Variants in STK32B observed in about 807,000 individuals in gnomAD.
STK32B encodes serine/threonine kinase 32B, also known as serine/threonine-protein kinase 32B.
STK32B carries 43 observed loss-of-function variants against 52.6 expected under a neutral mutation model. The observed-to-expected ratio is 0.82, with a 90% CI of 0.64 to 1.05. The LOEUF (loss-of-function observed/expected upper bound fraction) is 1.05. Among genes scored for constraint, STK32B ranks in the 50% least tolerant of loss-of-function variants. The probability of loss-of-function intolerance (pLI) is 0.00; values close to 1 mark genes in which losing one functional copy is unlikely to be tolerated. For missense variants in STK32B, 621 were observed against 534.6 expected (o/e 1.16, Z -1.59); for synonymous variants, 238 against 204.3 (o/e 1.17, Z -1.41).
intron 3 of STK32B, among the ~76,000 whole-genome samples, chr4:5,319,991 T>C (rs1006360061): frequency 2.0e-5 from 3 of 151,976 alleles, no homozygotes; most frequent in African/African-American, 7.3e-5. Context: ...TGCAAGGGAG[T>C]CTGTGAAATG....
chr4:5,461,686 C>T (rs1302249601), intron 9 of STK32B, among the ~76,000 whole-genome samples: 1 of 152,182 alleles, frequency 6.6e-6, no homozygotes. Flanking sequence ...CTGAGCCCAC[C>T]TTTCTCCCCA....
intron 7 of STK32B, among the ~76,000 whole-genome samples, chr4:5,456,420 G>A (rs1313984670): frequency 6.6e-6 from 1 of 152,254 alleles, no homozygotes; most frequent in Admixed American, 6.5e-5. Flanking sequence ...CCCAGCAAGT[G>A]GGGGCTATGA....
Position 5,124,995 on chromosome 4 carries a change from G to A in STK32B, c.53-14910G>A, listed in dbSNP as rs116778502. Among the ~76,000 whole-genome samples the A allele has an allele frequency of 7.9e-3, 1,196 of 152,318 alleles. 16 individuals are homozygous for A. Among genetic ancestry groups the A allele is most frequent in the Non-Finnish European group, 0.012 (809 of 68,036 alleles). ...AGAATTCTTCAACTATTAGCAGAAA[G>A]GAAAGTAAGGTAGATTTGAAGCGGA... On this transcript the variant is annotated intron_variant, in intron 1 of 11. Transcript: ENST00000282908.
At chr4:5,368,237 C>A (rs569373099) in intron 4 of STK32B, among the ~76,000 whole-genome samples, 4 of 152,102 alleles carry the variant, frequency 2.6e-5, no homozygotes, top group Admixed American at 6.5e-5. Flanking sequence ...CCTCTAAGGG[C>A]TTTGCTTTCA....
intron 11 of STK32B, among the ~76,000 whole-genome samples, chr4:5,491,427 C>T (rs1340309596): frequency 2.0e-5 from 3 of 152,188 alleles, no homozygotes; most frequent in Middle Eastern, 3.4e-3. Context: ...ATGGGGTTGT[C>T]TGATTTTTTC....
At chr4:5,027,537 G>A in the STK32B span, among the ~76,000 whole-genome samples, 1 of 152,150 alleles carries the variant, frequency 6.6e-6, no homozygotes, top group Admixed American at 6.5e-5. Context: ...GTGCAAATGT[G>A]GCCATTACTC....
At chr4:5,119,249 C>T (rs1203574893) in intron 1 of STK32B, among the ~76,000 whole-genome samples, 1 of 152,194 alleles carries the variant, frequency 6.6e-6, no homozygotes, top group African/African-American at 2.4e-5. Flanking sequence ...CAGCGTTTAG[C>T]CAGCACTTTC....
At chr4:5,107,616 A>G (rs1490297806) in intron 1 of STK32B, among the ~76,000 whole-genome samples, 1 of 152,250 alleles carries the variant, frequency 6.6e-6, no homozygotes, top group Non-Finnish European at 1.5e-5. Flanking sequence ...CAAAATGGTA[A>G]CATTTAATAT....
rs554352226 is a variant in STK32B, at chr4:5,389,583, C to T, written c.435-8624C>T. Among the ~76,000 whole-genome samples the T allele has an allele frequency of 3.9e-5, 6 of 152,316 alleles. 1 individual carries two copies. Among genetic ancestry groups the T allele is most frequent in the Middle Eastern group, 6.8e-3 (2 of 294 alleles). On this transcript the variant is annotated intron_variant, in intron 4 of 11. Coordinates refer to ENST00000282908, the MANE Select transcript of STK32B (RefSeq NM_018401.3). Reference sequence around the variant, plus strand: ...AGTCTACTCTAATGTCCCTACTTTACGTTAATCACCTCTTGAAAGGCCCTG... The same window carrying T: ...AGTCTACTCTAATGTCCCTACTTTATGTTAATCACCTCTTGAAAGGCCCTG...
intron 3 of STK32B, among the ~76,000 whole-genome samples, chr4:5,240,232 C>G (rs1036930302): frequency 6.6e-6 from 1 of 152,012 alleles, no homozygotes; most frequent in Non-Finnish European, 1.5e-5. Context: ...CTGTCATCCC[C>G]GAGACTCCTA....
At chr4:5,080,187 G>T (rs1560140827) in intron 1 of STK32B, among the ~76,000 whole-genome samples, 2 of 152,096 alleles carry the variant, frequency 1.3e-5, no homozygotes, top group African/African-American at 4.8e-5. Flanking sequence ...CAGTGAAGAA[G>T]CCCAAGGATC....
intron 3 of STK32B, among the ~76,000 whole-genome samples, chr4:5,317,536 C>T (rs1275321064): frequency 0.014 from 1,341 of 93,476 alleles, 33 homozygotes; most frequent in South Asian, 0.059. Context: ...ATATATATTA[C>T]ATGTATATAT....
At chr4:5,140,051 G>GT in intron 2 of STK32B, 91 bp downstream of exon 2, 1 of 1,538,504 alleles carries the variant, frequency 6.5e-7, no homozygotes, top group Non-Finnish European at 9.0e-7. Flanking sequence ...GGAATGTTCT[G>GT]TTTGACAGTA....
rs28858783 is a variant in STK32B at position 5,306,564 on chromosome 4, G to C, written c.261-24656G>C. Among the ~76,000 whole-genome samples the C allele has an allele frequency of 2.6e-3, 397 of 152,220 alleles. 1 individual carries two copies. Among genetic ancestry groups the C allele is most frequent in the Non-Finnish European group, 4.5e-3 (308 of 67,994 alleles). ...TCAGATGATTGTCTTGAAGAGAGCA[G>C]ATACTTGGTTGGTGAGTTCTTATCT... On this transcript the variant is annotated intron_variant, in intron 3 of 11. Transcript: ENST00000282908.
chr4:5,447,585 A>C (rs1288870578), intron 7 of STK32B, among the ~76,000 whole-genome samples: 1 of 152,228 alleles, frequency 6.6e-6, no homozygotes, highest in Non-Finnish European at 1.5e-5. Context: ...GCAGTGAGCC[A>C]TGATGGCACC....
chr4:5,214,651 T>G (rs1404839737), intron 3 of STK32B, among the ~76,000 whole-genome samples: 1 of 152,204 alleles, frequency 6.6e-6, no homozygotes, highest in African/African-American at 2.4e-5. Context: ...CACAAGAAAC[T>G]TAAGAAGTTA....
At chr4:5,361,815 G>A (rs547351073) in intron 4 of STK32B, among the ~76,000 whole-genome samples, 12 of 152,306 alleles carry the variant, frequency 7.9e-5, no homozygotes, top group African/African-American at 2.4e-4. Flanking sequence ...CATACATAGC[G>A]GGTATTCTAG....
chr4:5,290,933 C>T (rs1032133608), intron 3 of STK32B, among the ~76,000 whole-genome samples: 20 of 152,088 alleles, frequency 1.3e-4, no homozygotes, highest in African/African-American at 4.6e-4. Flanking sequence ...ACATAATAAC[C>T]AAAATAATCT....
rs541412050 is a variant in STK32B at position 5,304,632 on chromosome 4, C to T, written c.261-26588C>T. 5.0e-4 allele frequency among the ~76,000 whole-genome samples: 76 copies of T among 152,128 alleles called. No individual in the cohort carries two copies. The Middle Eastern group carries it at 0.01, about 20-fold the overall frequency. ...ATACAATCATGTCATCAGCAAACAG[C>T]AACAGTTTGACTTCCTCATTACCAA... On this transcript the variant is annotated intron_variant, in intron 3 of 11. Coordinates refer to ENST00000282908, the MANE Select transcript of STK32B (RefSeq NM_018401.3).
Sources: allele counts gnomAD v4.1 joint callset (sites outside exome capture counted in the v4.1 genomes callset), GRCh38; gene constraint gnomAD v4.1.1; transcripts MANE v1.5; gene names NCBI Gene and HGNC (gene_info 2026-07-23, HGNC 2026-07-21).